EML6: variants seen among roughly 807,000 people sequenced by gnomAD.
The protein encoded by EML6 is echinoderm microtubule-associated protein-like 6.
A neutral mutation model predicts 240.1 loss-of-function variants in EML6; 154 were observed. That is an observed-to-expected ratio of 0.64 (90% CI 0.56 to 0.73). EML6 has a LOEUF of 0.73. Among genes scored for constraint, EML6 ranks in the 30% least tolerant of loss-of-function variants. The pLI, the probability that EML6 is intolerant of heterozygous loss-of-function variation, is 0.00. For synonymous variants in EML6, 1,148 were observed against 899.0 expected (o/e 1.28, Z -4.95); for missense variants, 2,964 against 2,474.6 (o/e 1.20, Z -4.20).
chr2:54,882,877 A>AAAAAAAAAAAAAAAAAAAAAAAAAC (rs1238823372), intron 17 of EML6: 1 of 146,474 alleles, frequency 6.8e-6, no homozygotes, highest in Non-Finnish European at 1.5e-5. Context: ...AAAAAAAAGA[A>AAAAAAAAAAAAAAAAAAAAAAAAAC]AGCTTAGGGA....
intron 7 of EML6, among the ~76,000 whole-genome samples, chr2:54,838,125 G>C (rs7591134): frequency 0.77 from 116,417 of 151,978 alleles, 45,562 homozygotes; most frequent in East Asian, 0.99. Flanking sequence ...TAAGTTGTAA[G>C]ATAAGGCAGA....
chr2:54,817,261 A>G (rs900907819), intron 4 of EML6, among the ~76,000 whole-genome samples: 22 of 152,220 alleles, frequency 1.4e-4, no homozygotes, highest in African/African-American at 5.1e-4. Context: ...TTTAATTTTG[A>G]ATGAGTGTAA....
chr2:54,863,967 A>T (rs931168513), intron 13 of EML6, 78 bp downstream of exon 13: 1 of 743,734 alleles, frequency 1.3e-6, no homozygotes, highest in Non-Finnish European at 2.2e-6. Flanking sequence ...AGCACTAAAA[A>T]TGACTGGCAC....
At chr2:54,858,143 A>C (rs1420242762) in intron 11 of EML6, among the ~76,000 whole-genome samples, 1 of 152,218 alleles carries the variant, frequency 6.6e-6, no homozygotes, top group Non-Finnish European at 1.5e-5. Context: ...CGCTTCTTCC[A>C]AGATGGCTCA....
chr2:54,827,002 G>A (rs1215084535), intron 5 of EML6, among the ~76,000 whole-genome samples: 1 of 152,100 alleles, frequency 6.6e-6, no homozygotes, highest in African/African-American at 2.4e-5. Context: ...GAGAAACCCT[G>A]TCTCTACTAC....
At chr2:54,937,585 A>T (rs1675211177) in intron 28 of EML6, among the ~76,000 whole-genome samples, 1 of 146,042 alleles carries the variant, frequency 6.8e-6, no homozygotes, top group African/African-American at 2.5e-5. Context: ...AAAAAAAAGT[A>T]GAAAAGTTAG....
At chr2:54,902,482 C>G (rs1437884475) in intron 22 of EML6, among the ~76,000 whole-genome samples, 1 of 152,206 alleles carries the variant, frequency 6.6e-6, no homozygotes, top group Non-Finnish European at 1.5e-5. Flanking sequence ...TCACTGCACC[C>G]TCCACCTCCA....
At chr2:54,753,534 CA>C (rs1684265366) in intron 2 of EML6, among the ~76,000 whole-genome samples, 1 of 152,068 alleles carries the variant, frequency 6.6e-6, no homozygotes, top group African/African-American at 2.4e-5. Flanking sequence ...CTCGACTGAC[CA>C]TTGCTGGCTT....
chr2:54,724,422 A>T lies in EML6; in HGVS notation c.-513-127A>T, dbSNP rs1411455840. The T allele has an allele frequency of 1.3e-5, 2 of 152,138 alleles. No homozygotes were observed. Among genetic ancestry groups the T allele is most frequent in the East Asian group, 3.9e-4 (2 of 5,182 alleles). 9.4% of individuals were successfully genotyped at this position (152,138 alleles called of 1,614,324 possible). ...TTAAGGAGATGGAACTGGAGAGAGAAAGCGGGAGTAGGGGACAATTTTTAA... is the reference window on the plus strand; with the variant it reads ...TTAAGGAGATGGAACTGGAGAGAGATAGCGGGAGTAGGGGACAATTTTTAA... On this transcript the variant is annotated intron_variant, in intron 1 of 41. Transcript: ENST00000356458. The surrounding 1 kb of genome is among the most constrained non-coding windows in gnomAD (Gnocchi z 5.2).
At chr2:54,961,470 A>G (rs1676512799) in intron 35 of EML6, among the ~76,000 whole-genome samples, 1 of 150,528 alleles carries the variant, frequency 6.6e-6, no homozygotes, top group East Asian at 2.1e-4. Context: ...TACAGGCGTG[A>G]GCCATCACAC....
intron 5 of EML6, among the ~76,000 whole-genome samples, chr2:54,824,702 C>G (rs1668504520): frequency 6.6e-6 from 1 of 152,258 alleles, no homozygotes; most frequent in East Asian, 1.9e-4. Context: ...GGTTTTATAG[C>G]AAATGAGCCT....
At chr2:54,802,921 C>A (rs1490343352) in intron 2 of EML6, among the ~76,000 whole-genome samples, 1 of 152,120 alleles carries the variant, frequency 6.6e-6, no homozygotes, top group Non-Finnish European at 1.5e-5. Context: ...TCCACAGTGA[C>A]TGAATCCAAA....
At chr2:54,949,150 T>C (rs1675839016) in intron 29 of EML6, among the ~76,000 whole-genome samples, 190 bp downstream of exon 29, 1 of 152,036 alleles carries the variant, frequency 6.6e-6, no homozygotes, top group South Asian at 2.1e-4. Flanking sequence ...AGCCACTGTA[T>C]CGTATTCCTG....
rs545627558 is a variant in EML6 at position 54,888,758 on chromosome 2, A to C, written c.2439-2296A>C. Among the ~76,000 whole-genome samples the C allele has an allele frequency of 3.3e-5, 5 of 152,326 alleles. No homozygotes were observed. In the East Asian group the frequency reaches 9.6e-4, roughly 29 times the overall value. On this transcript the variant is annotated intron_variant, in intron 17 of 41. Transcript: ENST00000356458. ...TGGATGTACCACAGTTTGTTTACCC[A>C]TTCACCTGCTGAAGGACATCTATGT...
intron 19 of EML6, among the ~76,000 whole-genome samples, chr2:54,894,591 C>G (rs900679100): frequency 6.6e-6 from 1 of 152,090 alleles, no homozygotes; most frequent in Admixed American, 6.6e-5. Context: ...GAGGCTGGTT[C>G]CATTCTGTAG....
At chr2:54,917,908 C>T (rs1265234726) in intron 26 of EML6, among the ~76,000 whole-genome samples, 1 of 152,202 alleles carries the variant, frequency 6.6e-6, no homozygotes, top group Non-Finnish European at 1.5e-5. Context: ...ATTCAGTGTT[C>T]CAGTTGTAAT....
At chr2:54,857,142 G>A (rs2103805019) in intron 11 of EML6, among the ~76,000 whole-genome samples, 1 of 152,330 alleles carries the variant, frequency 6.6e-6, no homozygotes, top group African/African-American at 2.4e-5. Context: ...CACATAAGGG[G>A]AAGAGGAATG....
At chr2:54,886,685 C>A (rs1273413145) in intron 17 of EML6, among the ~76,000 whole-genome samples, 5 of 152,172 alleles carry the variant, frequency 3.3e-5, no homozygotes, top group African/African-American at 1.2e-4. Context: ...TTCCTAATAG[C>A]TAATGATGTT....
chr2:54,950,505 G>C, intron 29 of EML6, 145 bp from the exon 30 acceptor site: 1 of 863,448 alleles, frequency 1.2e-6, no homozygotes, highest in Non-Finnish European at 1.7e-6. Flanking sequence ...CAGTCAAGAA[G>C]CAAAATGTTT....
Sources: gnomAD v4.1 joint callset for allele counts (sites outside exome capture counted in the v4.1 genomes callset) on GRCh38, gnomAD v4.1.1 for gene constraint, Gnocchi (gnomAD v3.1) non-coding constraint, MANE v1.5 for transcripts, NCBI Gene and HGNC (gene_info 2026-07-23, HGNC 2026-07-21) for gene names.